The following DENND4C variants were observed in gnomAD, a reference collection of about 807,000 sequenced individuals.
DENND4C encodes DENN domain containing 4C.
In DENND4C, 108 loss-of-function variants were observed where a neutral mutation model predicts 203.0. That is an observed-to-expected ratio of 0.53 (90% CI 0.46 to 0.62). The LOEUF (loss-of-function observed/expected upper bound fraction) is 0.62. DENND4C is among the 20% of genes least tolerant of loss of function. The probability of loss-of-function intolerance (pLI) is 0.00; values close to 1 mark genes in which losing one functional copy is unlikely to be tolerated. For synonymous variants in DENND4C, 871 were observed against 792.4 expected (o/e 1.10, Z -1.67); for missense variants, 2,481 against 2,301.2 (o/e 1.08, Z -1.60).
intron 1 of DENND4C, among the ~76,000 whole-genome samples, chr9:19,240,297 A>G (rs1823352040): frequency 6.6e-6 from 1 of 152,168 alleles, no homozygotes; most frequent in African/African-American, 2.4e-5. Context: ...TACTGTACTG[A>G]TACTCTAGGC....
At chr9:19,354,063 C>T (rs1824799033) in intron 26 of DENND4C, among the ~76,000 whole-genome samples, 1 of 152,158 alleles carries the variant, frequency 6.6e-6, no homozygotes. Flanking sequence ...CCCTATTCTA[C>T]GAAGACACTG....
intron 5 of DENND4C, chr9:19,292,569 A>C (rs1836580539): frequency 6.8e-6 from 1 of 147,948 alleles, no homozygotes; most frequent in Admixed American, 6.7e-5. Context: ...TTTTGAGACG[A>C]AACCTCACTC....
Position 19,342,678 on chromosome 9 carries a change from G to A in DENND4C, c.3050G>A (p.Ser1017Asn), listed in dbSNP as rs767218818. Residue 1017 changes from serine to asparagine, a missense_variant, in exon 22 of 33, where the codon AGT becomes AAT. Transcript: ENST00000434457. ...ATTGTGGCAAAACATTCACAACCTA[G>A]TCCAGAGCCTCACAGTCCTACTGAA... The part of the protein sequence containing the change: ...SAIVAKHSQP[S>N]PEPHSPTEPP... 9.3e-6 allele frequency: 15 copies of A among 1,612,840 alleles called. No homozygotes were observed. The Admixed American group carries it at 2.5e-4, about 27-fold the overall frequency.
chr9:19,296,567 C>G (rs957454824), intron 6 of DENND4C, among the ~76,000 whole-genome samples: 2 of 152,024 alleles, frequency 1.3e-5, no homozygotes, highest in East Asian at 3.9e-4. Context: ...CTTGGCCAGG[C>G]TGGTCTTGAA....
chr9:19,327,347 A>C (rs1818040321), intron 15 of DENND4C, among the ~76,000 whole-genome samples: 1 of 152,068 alleles, frequency 6.6e-6, no homozygotes, highest in Admixed American at 6.5e-5. Flanking sequence ...ATGAATAGAA[A>C]CCTTTGAGAT....
chr9:19,265,438 ATT>A (rs869266401), intron 1 of DENND4C, among the ~76,000 whole-genome samples: 2 of 57,832 alleles, frequency 3.5e-5, no homozygotes, highest in African/African-American at 6.0e-5. Flanking sequence ...TTTCTTTTTT[ATT>A]TTTATTTATT....
chr9:19,236,239 G>C (rs1335823106), intron 1 of DENND4C, among the ~76,000 whole-genome samples: 1 of 152,106 alleles, frequency 6.6e-6, no homozygotes, highest in Non-Finnish European at 1.5e-5. Flanking sequence ...AGGTTAAACA[G>C]CCCTATAAAT....
intron 1 of DENND4C, among the ~76,000 whole-genome samples, chr9:19,266,578 A>G (rs1348510816): frequency 1.3e-5 from 2 of 152,224 alleles, no homozygotes; most frequent in African/African-American, 4.8e-5. Flanking sequence ...TTCAAACTAT[A>G]CTACAAGGCT....
rs1822864575 is a variant in DENND4C at position 19,346,279 on chromosome 9, T to C, written c.3510T>C (p.Pro1170=). The C allele has an allele frequency of 1.2e-6, 2 of 1,614,202 alleles. No individual in the cohort carries two copies. The highest frequency in any genetic ancestry group is 1.7e-6 in the Non-Finnish European group (2 of 1,180,034). Residue 1170 remains proline, a synonymous_variant, in exon 23 of 33, where the codon CCT becomes CCC. Transcript: ENST00000434457. ...GTATGTCTGAAAGCACTTGGAATCC[T>C]GAGCACAGATCATCTCCGGTGCCAG... ...RTCMSESTWN[P]EHRSSPVPEM... is the part of the protein sequence containing the mutation.
intron 1 of DENND4C, among the ~76,000 whole-genome samples, chr9:19,242,463 A>G (rs572794662): frequency 2.0e-5 from 3 of 152,202 alleles, no homozygotes; most frequent in Non-Finnish European, 4.4e-5. Flanking sequence ...GCTGGATCAT[A>G]TGGTAGGCCT....
chr9:19,321,111 G>A (rs146655976), intron 12 of DENND4C, among the ~76,000 whole-genome samples: 84 of 152,278 alleles, frequency 5.5e-4, no homozygotes, highest in African/African-American at 1.9e-3. Flanking sequence ...TAGGTAATAG[G>A]ATCAGATTTG....
intron 7 of DENND4C, among the ~76,000 whole-genome samples, chr9:19,298,366 CT>C: frequency 6.6e-6 from 1 of 152,072 alleles, no homozygotes; most frequent in Non-Finnish European, 1.5e-5. Context: ...CATGCATGAC[CT>C]TTATGTAGCT....
At chr9:19,316,963 C>G in intron 12 of DENND4C, 124 bp downstream of exon 12, 1 of 894,064 alleles carries the variant, frequency 1.1e-6, no homozygotes, top group Non-Finnish European at 1.6e-6. Flanking sequence ...TAATGAACCT[C>G]CATGTATTTG....
chr9:19,242,514 A>C lies in DENND4C; in HGVS notation c.-18+11681A>C, dbSNP rs114874758. On this transcript the variant is annotated intron_variant, in intron 1 of 32. Transcript: ENST00000434457. ...AGAAACTGCCAAACTGCCTTCCAAA[A>C]GGGCTGTTTTATTTTGTATTTCCAT... Among the ~76,000 whole-genome samples the C allele has an allele frequency of 7.2e-3, 1,104 of 152,344 alleles. 17 individuals are homozygous for C. Among genetic ancestry groups the C allele is most frequent in the African/African-American group, 0.026 (1,067 of 41,584 alleles).
chr9:19,253,967 AC>A (rs1222353755), intron 1 of DENND4C, among the ~76,000 whole-genome samples: 1 of 152,206 alleles, frequency 6.6e-6, no homozygotes, highest in Non-Finnish European at 1.5e-5. Context: ...ATAGTGAGAT[AC>A]CATGTCTACA....
chr9:19,298,614 A>G (rs976722695), intron 7 of DENND4C, among the ~76,000 whole-genome samples: 12 of 152,132 alleles, frequency 7.9e-5, no homozygotes, highest in Non-Finnish European at 1.5e-4. Context: ...CTATAATAAT[A>G]GTTCTACTGA....
intron 32 of DENND4C, 44 bp downstream of exon 32, chr9:19,371,864 TA>T: frequency 7.3e-7 from 1 of 1,374,070 alleles, no homozygotes; most frequent in Non-Finnish European, 1.0e-6. Context: ...TTTTACATTT[TA>T]TTTTCAAAAG....
chr9:19,288,665 GGTAA>G lies in DENND4C; in HGVS notation c.628+3_628+6del. The G allele has an allele frequency of 1.6e-6, 2 of 1,231,054 alleles. No homozygotes were observed. Among genetic ancestry groups the G allele is most frequent in the Non-Finnish European group, 2.0e-6 (2 of 987,270 alleles). The allele number at this position is 1,231,054 out of a possible 1,614,324, so 76.3% of individuals were successfully genotyped here. On this transcript the variant is annotated splice_donor_variant and splice_donor_region_variant and intron_variant, in intron 4 of 32. Coordinates refer to ENST00000434457, the MANE Select transcript of DENND4C (RefSeq NM_001330640.2). LOFTEE classifies it high-confidence loss of function. ...TTCAAATGCAATAGCATATAAGGCT[GGTAA>G]GTGAGTTAAAAAAAATTGTCTCAAT... is the stretch of plus-strand genomic sequence containing the variant.
At chr9:19,363,207 A>G (rs1340235079) in intron 30 of DENND4C, among the ~76,000 whole-genome samples, 1 of 152,166 alleles carries the variant, frequency 6.6e-6, no homozygotes, top group Non-Finnish European at 1.5e-5. Flanking sequence ...TAAAGACATC[A>G]GCTGTATTAG....
Sources: gnomAD v4.1 joint callset for allele counts (sites outside exome capture counted in the v4.1 genomes callset) on GRCh38, gnomAD v4.1.1 for gene constraint, MANE v1.5 for transcripts, NCBI Gene and HGNC (gene_info 2026-07-23, HGNC 2026-07-21) for gene names.